The following FER variants were observed in gnomAD, a reference collection of about 807,000 sequenced individuals.
FER encodes the protein tyrosine-protein kinase Fer.
A neutral mutation model predicts 111.0 loss-of-function variants in FER; 63 were observed. The observed-to-expected ratio is 0.57, with a 90% CI of 0.46 to 0.70. The LOEUF is 0.70. FER is among the 30% of genes least tolerant of loss of function. The pLI is 0.00. For synonymous variants in FER, 327 were observed against 313.9 expected, an observed-to-expected ratio of 1.04 and a Z score of -0.44; for missense variants, 914 against 954.0, an observed-to-expected ratio of 0.96 and a Z score of 0.55.
chr5:108,895,512 A>G (rs1000514247), intron 9 of FER, among the ~76,000 whole-genome samples: 1 of 152,264 alleles, frequency 6.6e-6, no homozygotes, highest in Non-Finnish European at 1.5e-5. Context: ...GGCTGTCCTC[A>G]TTACATCACT....
chr5:108,931,950 A>G (rs895291645), intron 10 of FER, among the ~76,000 whole-genome samples: 38 of 151,792 alleles, frequency 2.5e-4, no homozygotes, highest in African/African-American at 8.7e-4. Flanking sequence ...CATCCTTCCA[A>G]TATCTTAAAT....
At chr5:108,989,846 T>C (rs1275996690) in intron 13 of FER, among the ~76,000 whole-genome samples, 1 of 151,990 alleles carries the variant, frequency 6.6e-6, no homozygotes, top group Non-Finnish European at 1.5e-5. Context: ...TAATATGATA[T>C]AGCTAGACAT....
chr5:109,171,775 A>C (rs1757114459), intron 17 of FER, among the ~76,000 whole-genome samples: 2 of 152,178 alleles, frequency 1.3e-5, no homozygotes, highest in Admixed American at 1.3e-4. Context: ...CTTCTGAGCC[A>C]GGTCCTTGTA....
chr5:108,905,542 A>G (rs1326667654), intron 10 of FER, among the ~76,000 whole-genome samples: 2 of 152,166 alleles, frequency 1.3e-5, no homozygotes, highest in Non-Finnish European at 2.9e-5. Context: ...TTGGGATTCA[A>G]CAGCGCTTAA....
At chr5:108,894,280 AG>A in intron 9 of FER, 4 of 543,908 alleles carry the variant, frequency 7.4e-6, no homozygotes, top group Non-Finnish European at 8.1e-6. Context: ...ATTGGGCATT[AG>A]GGGTTCAGGT....
chr5:109,191,616 A>T lies in FER; in HGVS notation c.*4041A>T, dbSNP rs973111620. On this transcript the variant is annotated 3_prime_UTR_variant, in exon 20 of 20. Transcript: ENST00000281092. ...TTAATTAAATGGAATCAGATTTTGT[A>T]TGGAAATGAGTTTATATTACATTTC... 3.3e-5 allele frequency: 5 copies of T among 152,142 alleles called. No individual in the cohort carries two copies. The highest frequency in any genetic ancestry group is 2.0e-4 in the Admixed American group (3 of 15,266). The allele number at this position is 152,142 out of a possible 1,614,324, so 9.4% of individuals were successfully genotyped here. A position where few individuals can be genotyped will look rare whatever the true frequency, so the allele number is the denominator to read the frequency against.
intron 17 of FER, among the ~76,000 whole-genome samples, chr5:109,176,729 C>T (rs1288936392): frequency 6.6e-6 from 1 of 152,020 alleles, no homozygotes; most frequent in Non-Finnish European, 1.5e-5. Flanking sequence ...ATATCACTGT[C>T]CCATAAATAT....
intron 5 of FER, 156 bp downstream of exon 5, chr5:108,835,963 A>G: frequency 2.4e-6 from 1 of 412,240 alleles, no homozygotes; most frequent in Non-Finnish European, 4.4e-6. Flanking sequence ...ACAGTGTAGT[A>G]AGTCTTACTA....
chr5:108,884,508 C>T (rs1032700164), intron 9 of FER, among the ~76,000 whole-genome samples: 2 of 137,456 alleles, frequency 1.5e-5, no homozygotes, highest in Non-Finnish European at 3.1e-5. Context: ...ATTTCTTATG[C>T]CTGGTTTTTT....
chr5:109,056,170 A>C (rs1404869291), intron 16 of FER, among the ~76,000 whole-genome samples: 2 of 152,220 alleles, frequency 1.3e-5, no homozygotes, highest in Non-Finnish European at 2.9e-5. Context: ...GAAGGTTCCT[A>C]AAGGAATTAA....
chr5:109,018,094 G>T (rs908644351), intron 13 of FER, among the ~76,000 whole-genome samples: 3 of 151,806 alleles, frequency 2.0e-5, no homozygotes, highest in Non-Finnish European at 4.4e-5. Context: ...CTAGTCAAAT[G>T]ACTTAATACT....
chr5:109,059,674 A>G (rs1389954454), intron 16 of FER, among the ~76,000 whole-genome samples: 1 of 152,192 alleles, frequency 6.6e-6, no homozygotes, highest in Non-Finnish European at 1.5e-5. Context: ...TGAAGAGTGG[A>G]GCTCTAATAA....
chr5:108,914,041 T>C (rs569512866), intron 10 of FER, among the ~76,000 whole-genome samples: 1 of 152,318 alleles, frequency 6.6e-6, no homozygotes, highest in African/African-American at 2.4e-5. Context: ...TTCTAGAGTA[T>C]AGACAGTGAC....
chr5:108,956,965 C>G (rs904186491), intron 12 of FER, among the ~76,000 whole-genome samples: 6 of 151,490 alleles, frequency 4.0e-5, no homozygotes, highest in Non-Finnish European at 5.9e-5. Flanking sequence ...AATGAGTCAA[C>G]AAGTGTTCCA....
At chr5:108,878,395 A>T (rs1479205611) in intron 8 of FER, among the ~76,000 whole-genome samples, 7 of 152,122 alleles carry the variant, frequency 4.6e-5, no homozygotes, top group African/African-American at 2.4e-5. Flanking sequence ...TTTTTCCAGA[A>T]TGTATATACA....
intron 10 of FER, among the ~76,000 whole-genome samples, chr5:108,903,587 T>A (rs1581133580): frequency 1.3e-5 from 2 of 152,340 alleles, no homozygotes; most frequent in East Asian, 1.9e-4. Context: ...AATGAATATA[T>A]ACCTCTTTTG....
intron 11 of FER, among the ~76,000 whole-genome samples, chr5:108,946,994 G>A (rs906373443): frequency 4.6e-5 from 7 of 151,810 alleles, no homozygotes; most frequent in African/African-American, 1.7e-4. Context: ...ATTCTTCCAA[G>A]GTTCATCCAT....
chr5:108,798,446 G>A, intron 3 of FER, 57 bp downstream of exon 3: 3 of 1,335,818 alleles, frequency 2.2e-6, no homozygotes, highest in Non-Finnish European at 3.2e-6. Context: ...TCCTTAAAAT[G>A]CAATAGCTCA....
intron 16 of FER, among the ~76,000 whole-genome samples, chr5:109,062,281 G>C (rs867213033): frequency 1.3e-5 from 2 of 152,106 alleles, no homozygotes; most frequent in Non-Finnish European, 2.9e-5. Flanking sequence ...CCAGCACTTT[G>C]GGCAGCCAAG....
Sources: allele counts gnomAD v4.1 joint callset (sites outside exome capture counted in the v4.1 genomes callset), GRCh38; gene constraint gnomAD v4.1.1; transcripts MANE v1.5; gene names NCBI Gene and HGNC (gene_info 2026-07-23, HGNC 2026-07-21).